OSBPL6: variants seen among roughly 807,000 people sequenced by gnomAD.
The protein encoded by OSBPL6 is oxysterol binding protein like 6.
Under a neutral mutation model 125.8 loss-of-function variants are expected in OSBPL6, and 49 were observed. The observed-to-expected ratio is 0.39, with a 90% confidence interval of 0.31 to 0.49. The LOEUF (loss-of-function observed/expected upper bound fraction) is 0.49. Among genes scored for constraint, OSBPL6 ranks in the 20% least tolerant of loss-of-function variants. OSBPL6 has a pLI of 0.88. For synonymous variants in OSBPL6, 394 were observed against 391.8 expected (o/e 1.01, Z -0.07); for missense variants, 986 against 1,135.4 (o/e 0.87, Z 1.89).
intron 1 of OSBPL6, among the ~76,000 whole-genome samples, chr2:178,270,079 G>A (rs1015141264): frequency 1.7e-4 from 26 of 152,290 alleles, no homozygotes; most frequent in African/African-American, 4.6e-4. Context: ...CCAGACTTGC[G>A]GACTGCCTGG....
intron 13 of OSBPL6, among the ~76,000 whole-genome samples, chr2:178,370,595 G>A (rs1164652500): frequency 6.6e-6 from 1 of 152,146 alleles, no homozygotes; most frequent in Non-Finnish European, 1.5e-5. Flanking sequence ...AAAGATACTA[G>A]GAGTCTTCCT....
At chr2:178,209,996 A>G (rs1006131891) in intron 1 of OSBPL6, among the ~76,000 whole-genome samples, 2 of 152,034 alleles carry the variant, frequency 1.3e-5, no homozygotes, top group Admixed American at 6.5e-5. Flanking sequence ...AAAGACTATA[A>G]GTAAATTTTA....
intron 2 of OSBPL6, 62 bp from the exon 3 acceptor site, chr2:178,305,968 A>G (rs1686727070): frequency 2.6e-6 from 1 of 390,142 alleles, no homozygotes. Flanking sequence ...TTTCATCCTA[A>G]AGATAATGAT....
chr2:178,346,908 G>A (rs1690773932), intron 11 of OSBPL6, among the ~76,000 whole-genome samples: 3 of 152,114 alleles, frequency 2.0e-5, no homozygotes. Context: ...TTTTCAGTCA[G>A]AAGTATGTGA....
rs755472409 is a variant in OSBPL6, at chr2:178,332,852, C to T, written c.487-19C>T. The T allele has an allele frequency of 1.2e-6, 2 of 1,608,946 alleles. No homozygotes were observed. Among genetic ancestry groups the T allele is most frequent in the South Asian group, 1.1e-5 (1 of 90,864 alleles). ...AGAGTTATTTTACAATTACTTTCTC[C>T]TCTCGTTCATTGTTTTAGGTGAAAT... On this transcript the variant is annotated intron_variant, in intron 7 of 24. Transcript: ENST00000190611.
chr2:178,260,109 T>A (rs2092010546), intron 1 of OSBPL6, among the ~76,000 whole-genome samples: 1 of 152,254 alleles, frequency 6.6e-6, no homozygotes, highest in Admixed American at 6.5e-5. Flanking sequence ...CTCAGCTACC[T>A]GCTGCTAATG....
chr2:178,262,017 A>G (rs1322501288), intron 1 of OSBPL6, among the ~76,000 whole-genome samples: 2 of 152,146 alleles, frequency 1.3e-5, no homozygotes, highest in Non-Finnish European at 2.9e-5. Context: ...TGCTGTTATT[A>G]TTATTTAATG....
intron 3 of OSBPL6, among the ~76,000 whole-genome samples, chr2:178,308,455 G>T (rs1342858524): frequency 6.6e-6 from 1 of 152,166 alleles, no homozygotes; most frequent in African/African-American, 2.4e-5. Flanking sequence ...TATGCAGATG[G>T]TGCCAAATTG....
At chr2:178,204,054 C>T (rs2089405487) in intron 1 of OSBPL6, among the ~76,000 whole-genome samples, 3 of 139,562 alleles carry the variant, frequency 2.1e-5, no homozygotes, top group Admixed American at 1.5e-4. Flanking sequence ...GAGACAATCT[C>T]ACCCTGTTGC....
chr2:178,373,320 C>T (rs910769407), intron 14 of OSBPL6, among the ~76,000 whole-genome samples: 1 of 120,388 alleles, frequency 8.3e-6, no homozygotes, highest in Non-Finnish European at 1.7e-5. Flanking sequence ...TATATATATA[C>T]ATTTCTCTTA....
chr2:178,265,893 C>T (rs2154021115), intron 1 of OSBPL6, among the ~76,000 whole-genome samples: 1 of 152,192 alleles, frequency 6.6e-6, no homozygotes, highest in East Asian at 1.9e-4. Flanking sequence ...AAAACATATG[C>T]CTGAAAAAAA....
chr2:178,399,760 CTG>C lies in OSBPL6; in HGVS notation c.*4205_*4206del, dbSNP rs1462023686. ...AGATACACATGTATGTTCTTTTACA[CTG>C]TGTCATTGTTTGTAAAATATACAGT... On this transcript the variant is annotated 3_prime_UTR_variant, in exon 25 of 25. Coordinates refer to ENST00000190611, the MANE Select transcript of OSBPL6 (RefSeq NM_032523.4). 3.3e-5 allele frequency: 5 copies of C among 152,310 alleles called. No individual in the cohort carries two copies. Among genetic ancestry groups the C allele is most frequent in the Middle Eastern group, 3.4e-3 (1 of 294 alleles). 9.4% of individuals were successfully genotyped at this position (152,310 alleles called of 1,614,324 possible). A position where few individuals can be genotyped will look rare whatever the true frequency, so the allele number is the denominator to read the frequency against.
intron 1 of OSBPL6, among the ~76,000 whole-genome samples, chr2:178,202,093 ATTG>A (rs1445881338): frequency 6.6e-6 from 1 of 152,132 alleles, no homozygotes; most frequent in Non-Finnish European, 1.5e-5. Context: ...CTTTTGTGCT[ATTG>A]TTGTCATATT....
chr2:178,245,983 T>C (rs917761011), intron 1 of OSBPL6, among the ~76,000 whole-genome samples: 1 of 152,160 alleles, frequency 6.6e-6, no homozygotes, highest in Non-Finnish European at 1.5e-5. Context: ...TCCCTGCTCT[T>C]GTAGTTCTGT....
chr2:178,369,004 C>G (rs1203295429), intron 13 of OSBPL6, among the ~76,000 whole-genome samples: 2 of 151,990 alleles, frequency 1.3e-5, no homozygotes, highest in Non-Finnish European at 2.9e-5. Context: ...ACTATGTTGG[C>G]CAGACTGGTC....
At chr2:178,387,232 T>C in intron 20 of OSBPL6, 93 bp downstream of exon 20, 1 of 990,874 alleles carries the variant, frequency 1.0e-6, no homozygotes. Context: ...AGGGTTTCTT[T>C]CTCTTTATAC....
chr2:178,350,553 T>TTTGA (rs1691157331), intron 12 of OSBPL6, among the ~76,000 whole-genome samples: 1 of 152,152 alleles, frequency 6.6e-6, no homozygotes, highest in South Asian at 2.1e-4. Context: ...CTGTCAGATT[T>TTTGA]CATTAATTCT....
chr2:178,317,663 G>A (rs1159839829), intron 3 of OSBPL6, among the ~76,000 whole-genome samples: 1 of 150,970 alleles, frequency 6.6e-6, no homozygotes, highest in Non-Finnish European at 1.5e-5. Flanking sequence ...CAGTTTATAA[G>A]GGTGATCAAA....
chr2:178,215,119 A>C (rs530970797), intron 1 of OSBPL6, among the ~76,000 whole-genome samples: 18 of 152,028 alleles, frequency 1.2e-4, no homozygotes, highest in African/African-American at 3.9e-4. Flanking sequence ...AAAAGAAAAA[A>C]CAGAAACAAA....
Sources: allele counts gnomAD v4.1 joint callset (sites outside exome capture counted in the v4.1 genomes callset), GRCh38; gene constraint gnomAD v4.1.1; transcripts MANE v1.5; gene names NCBI Gene and HGNC (gene_info 2026-07-23, HGNC 2026-07-21).